The following SPATA16 variants were observed in gnomAD, a reference collection of about 807,000 sequenced individuals.
SPATA16 encodes the protein spermatogenesis-associated protein 16.
A neutral mutation model predicts 63.3 loss-of-function variants in SPATA16; 36 were observed. The ratio of observed to expected loss-of-function variants is 0.57; its 90% CI spans 0.44 to 0.75. The LOEUF is 0.75. SPATA16 is among the 30% of genes least tolerant of loss of function. The pLI is 0.00. For synonymous variants in SPATA16, 203 were observed against 216.7 expected (o/e 0.94, Z 0.56); for missense variants, 646 against 679.3 (o/e 0.95, Z 0.54).
intron 4 of SPATA16, among the ~76,000 whole-genome samples, chr3:172,986,662 G>A (rs1452009804): frequency 2.0e-5 from 3 of 152,252 alleles, no homozygotes; most frequent in Admixed American, 6.5e-5. Flanking sequence ...CTATCTTGCT[G>A]CATTTTGAGC....
intron 6 of SPATA16, among the ~76,000 whole-genome samples, chr3:172,926,362 C>G (rs898378468): frequency 1.3e-5 from 2 of 152,170 alleles, no homozygotes; most frequent in African/African-American, 4.8e-5. Context: ...TTCTTAATGA[C>G]TGTAAGAGCT....
At chr3:173,131,613 G>A (rs1411574084) in intron 1 of SPATA16, among the ~76,000 whole-genome samples, 1 of 152,172 alleles carries the variant, frequency 6.6e-6, no homozygotes, top group Non-Finnish European at 1.5e-5. Flanking sequence ...CATGGGGCAG[G>A]ATGGCAAAGT....
intron 4 of SPATA16, among the ~76,000 whole-genome samples, chr3:173,018,487 G>T (rs1199318686): frequency 6.6e-6 from 1 of 151,998 alleles, no homozygotes; most frequent in Admixed American, 6.6e-5. Flanking sequence ...TGTTGGTCAG[G>T]CTGGTCTCAA....
intron 1 of SPATA16, among the ~76,000 whole-genome samples, chr3:173,133,777 A>T (rs562062544): frequency 6.6e-6 from 1 of 152,354 alleles, no homozygotes; most frequent in South Asian, 2.1e-4. Context: ...ATTTCAGACA[A>T]AAAAAGAAAG....
chr3:172,902,818 T>A (rs1442232160), intron 10 of SPATA16, among the ~76,000 whole-genome samples: 1 of 152,216 alleles, frequency 6.6e-6, no homozygotes, highest in African/African-American at 2.4e-5. Context: ...GTGGAATTTG[T>A]GTGTGTTTTA....
Position 173,035,959 on chromosome 3 carries a change from ATT to A in SPATA16, c.758+12988_758+12989del, listed in dbSNP as rs34251952. ...TTACCATTATGGACACTCAGCCTCT[ATT>A]TTTTTTTTTTTTAATAAATTTCAAT... On this transcript the variant is annotated intron_variant, in intron 3 of 10. Coordinates refer to ENST00000351008, the MANE Select transcript of SPATA16 (RefSeq NM_031955.6). 3.0e-3 allele frequency among the ~76,000 whole-genome samples: 429 copies of A among 143,658 alleles called. 1 individual carries two copies. Among genetic ancestry groups the A allele is most frequent in the African/African-American group, 9.1e-3 (361 of 39,752 alleles). 94.2% of individuals were successfully genotyped at this position (143,658 alleles called of 152,430 possible).
intron 2 of SPATA16, among the ~76,000 whole-genome samples, chr3:173,078,867 A>G (rs1352351354): frequency 6.6e-6 from 1 of 152,158 alleles, no homozygotes; most frequent in African/African-American, 2.4e-5. Context: ...CCCAACCTTT[A>G]TGACTGCTTT....
At chr3:172,955,649 A>G (rs1211679569) in intron 6 of SPATA16, among the ~76,000 whole-genome samples, 4 of 152,060 alleles carry the variant, frequency 2.6e-5, no homozygotes, top group African/African-American at 9.7e-5. Flanking sequence ...AGCGTGAGGG[A>G]ATGTGGAGAA....
intron 2 of SPATA16, among the ~76,000 whole-genome samples, chr3:173,065,961 C>T (rs545969676): frequency 1.2e-4 from 19 of 152,280 alleles, no homozygotes; most frequent in Non-Finnish European, 2.5e-4. Context: ...TTGCACTGAT[C>T]CCAGAGGCAG....
chr3:172,924,361 T>C, intron 7 of SPATA16, 44 bp from the exon 8 acceptor site: 1 of 1,451,874 alleles, frequency 6.9e-7, no homozygotes, highest in Non-Finnish European at 9.6e-7. Flanking sequence ...TTCTCCAGAC[T>C]TCCATTTCAA....
At chr3:172,950,390 G>GGAACAATTTTCTGA (rs1173567751) in intron 6 of SPATA16, among the ~76,000 whole-genome samples, 3 of 152,108 alleles carry the variant, frequency 2.0e-5, no homozygotes, top group Non-Finnish European at 1.5e-5. Flanking sequence ...CTTTACCTTG[G>GGAACAATTTTCTGA]GAACAATTTT....
intron 10 of SPATA16, among the ~76,000 whole-genome samples, chr3:172,894,875 C>CA (rs1731977000): frequency 6.6e-6 from 1 of 152,164 alleles, no homozygotes; most frequent in Non-Finnish European, 1.5e-5. Context: ...CTGAGTCTGC[C>CA]ACTGCCTTGA....
chr3:172,903,128 A>C (rs1732155141), intron 10 of SPATA16, among the ~76,000 whole-genome samples: 1 of 152,244 alleles, frequency 6.6e-6, no homozygotes, highest in African/African-American at 2.4e-5. Flanking sequence ...AAAGGATTGC[A>C]AAACGTAATG....
intron 1 of SPATA16, among the ~76,000 whole-genome samples, chr3:173,125,559 C>G (rs539504015): frequency 6.6e-6 from 1 of 152,212 alleles, no homozygotes; most frequent in African/African-American, 2.4e-5. Flanking sequence ...CAAGTTCATT[C>G]CCAACTCAGA....
At chr3:172,928,915 A>G (rs1291869246) in intron 6 of SPATA16, among the ~76,000 whole-genome samples, 1 of 152,150 alleles carries the variant, frequency 6.6e-6, no homozygotes, top group Non-Finnish European at 1.5e-5. Flanking sequence ...ATTTAGCCTA[A>G]CAGGTGGTCT....
intron 1 of SPATA16, among the ~76,000 whole-genome samples, chr3:173,138,943 A>G (rs1577195598): frequency 6.6e-6 from 1 of 152,220 alleles, no homozygotes; most frequent in East Asian, 1.9e-4. Flanking sequence ...TTACTCCTGG[A>G]GGCTTTCTAA....
chr3:173,077,053 A>G (rs1344062378), intron 2 of SPATA16, among the ~76,000 whole-genome samples: 2 of 152,180 alleles, frequency 1.3e-5, no homozygotes, highest in Non-Finnish European at 2.9e-5. Context: ...GGCTCCAAGA[A>G]GCAATTTGGG....
At chr3:172,919,127 G>T (rs1577089095) in intron 8 of SPATA16, among the ~76,000 whole-genome samples, 1 of 152,072 alleles carries the variant, frequency 6.6e-6, no homozygotes, top group Non-Finnish European at 1.5e-5. Context: ...TCATTTTTTG[G>T]CAAGTCATCC....
chr3:172,900,116 T>C (rs1474877186), intron 10 of SPATA16, among the ~76,000 whole-genome samples: 2 of 152,178 alleles, frequency 1.3e-5, no homozygotes, highest in Admixed American at 1.3e-4. Flanking sequence ...TTTGGGTAGG[T>C]TTTCTGATGA....
Sources: gnomAD v4.1 joint callset for allele counts (sites outside exome capture counted in the v4.1 genomes callset) on GRCh38, gnomAD v4.1.1 for gene constraint, MANE v1.5 for transcripts, NCBI Gene and HGNC (gene_info 2026-07-23, HGNC 2026-07-21) for gene names.